RNF31: variants seen among roughly 807,000 people sequenced by gnomAD.
RNF31 encodes the protein E3 ubiquitin-protein ligase RNF31.
Under a neutral mutation model 133.6 loss-of-function variants are expected in RNF31, and 38 were observed. That is an observed-to-expected ratio of 0.28 (90% confidence interval 0.22 to 0.37). The LOEUF is 0.37. Ranked by LOEUF, RNF31 falls within the 10% of genes least tolerant of loss-of-function variation. RNF31 has a pLI of 1.00. For synonymous variants in RNF31, 582 were observed against 552.3 expected, an observed-to-expected ratio of 1.05 and a Z score of -0.75; for missense variants, 1,118 against 1,394.1, an observed-to-expected ratio of 0.80 and a Z score of 3.15.
rs965848624 is a variant in RNF31 at position 24,148,841 on chromosome 14, T to C, written c.596T>C (p.Ile199Thr). Residue 199 changes from isoleucine to threonine, a missense_variant, in exon 5 of 21, where the codon ATT (isoleucine) becomes ACT (threonine). Physicochemically the swap from Ile to Thr is moderately conservative, Grantham distance 89. Around this residue, in one of 3 missense-constraint regions of RNF31, gnomAD observed 747 missense variants for 827.9 expected, o/e 0.90. Transcript: ENST00000324103. ...GAATTTGACCCCCTATTGAGAGAGATTGCTCCTGGCCCCCTCACCACACCC... is the reference window on the plus strand; with the variant it reads ...GAATTTGACCCCCTATTGAGAGAGACTGCTCCTGGCCCCCTCACCACACCC... ...LSEFDPLLREIAPGPLTTPSV... is the reference protein window; with the variant it reads ...LSEFDPLLRETAPGPLTTPSV... The C allele has an allele frequency of 1.9e-6, 3 of 1,613,246 alleles. No homozygotes were observed. The highest frequency in any genetic ancestry group is 2.5e-6 in the Non-Finnish European group (3 of 1,179,250).
chr14:24,150,496 C>A (rs537781014), intron 7 of RNF31, 48 bp downstream of exon 7: 1 of 1,578,560 alleles, frequency 6.3e-7, no homozygotes, highest in East Asian at 2.3e-5. Context: ...CAGGCATTCT[C>A]TTCCCTATCC....
intron 11 of RNF31, among the ~76,000 whole-genome samples, chr14:24,153,492 G>A (rs1026461125): frequency 2.0e-4 from 31 of 151,630 alleles, no homozygotes; most frequent in Admixed American, 2.0e-3. Flanking sequence ...CAGGAGAATC[G>A]CTTGAACCTG....
rs777346008 is a variant in RNF31 at position 24,150,177 on chromosome 14, G to T, written c.926G>T (p.Cys309Phe). ...SAHLPWHCAACAMLNEPWAVL... is the reference protein window; with the variant it reads ...SAHLPWHCAAFAMLNEPWAVL... ...CATTTGCCCTGGCACTGTGCTGCCT[G>T]TGCCATGCTAAATGAGCCTTGGGCA... Residue 309 changes from cysteine to phenylalanine, a missense_variant, in exon 7 of 21, where the codon TGT (cysteine) becomes TTT (phenylalanine). By Grantham distance (205) the Cys-to-Phe change is radical. Around this residue, in one of 3 missense-constraint regions of RNF31, gnomAD observed 747 missense variants for 827.9 expected, o/e 0.90. Transcript: ENST00000324103. 2.5e-6 allele frequency: 4 copies of T among 1,614,072 alleles called. No homozygotes were observed. The highest frequency in any genetic ancestry group is 3.4e-6 in the Non-Finnish European group (4 of 1,180,040).
chr14:24,148,470 T>G (rs2038209615), intron 3 of RNF31, 57 bp downstream of exon 3: 2 of 1,612,502 alleles, frequency 1.2e-6, no homozygotes, highest in Non-Finnish European at 1.7e-6. Flanking sequence ...GAGCCCAGCC[T>G]AACTCAAGTA....
In RNF31 at chr14:24,151,019, C is replaced by A; in HGVS notation, c.1489-112C>A. 2 of 1,534,902 alleles carry A rather than the reference C, an allele frequency of 1.3e-6. No homozygotes were observed. Among genetic ancestry groups the A allele is most frequent in the Non-Finnish European group, 8.8e-7 (1 of 1,133,424 alleles). On this transcript the variant is annotated intron_variant, in intron 8 of 20. Coordinates refer to ENST00000324103, the MANE Select transcript of RNF31 (RefSeq NM_017999.5). This position sits in a 1 kb window ranked among gnomAD's most constrained non-coding sequence, Gnocchi z 5.3. The stretch of plus-strand genomic sequence containing the variant: ...CCTGTTACTGAGGCAGTTACCATTG[C>A]TGTACACTGATGACATGATCCATAT...
chr14:24,158,832 G>A (rs912382659), intron 18 of RNF31: 3 of 150,292 alleles, frequency 2.0e-5, no homozygotes, highest in East Asian at 1.9e-4. Context: ...GTCAGATCGA[G>A]ACCATCCTGG....
chr14:24,154,504 C>G (rs978447933), intron 11 of RNF31, among the ~76,000 whole-genome samples: 1 of 152,186 alleles, frequency 6.6e-6, no homozygotes, highest in Non-Finnish European at 1.5e-5. Context: ...TCTCGAACTC[C>G]TAGCCTCAAG....
chr14:24,147,566 G>C lies in RNF31; in HGVS notation c.-133G>C. The C allele has an allele frequency of 1.4e-6, 1 of 727,672 alleles. No individual in the cohort carries two copies. Among genetic ancestry groups the C allele is most frequent in the Non-Finnish European group, 2.0e-6 (1 of 500,042 alleles). 45.1% of individuals were successfully genotyped at this position (727,672 alleles called of 1,614,324 possible). On this transcript the variant is annotated 5_prime_UTR_variant, in exon 1 of 21. Transcript: ENST00000324103. ...GCTGGAGAGTGACCGTGGTCTGAGT[G>C]ACCTGGGGCGGCTGCGTGGGCCGGG...
chr14:24,152,350 C>T (rs1158711352), intron 11 of RNF31, among the ~76,000 whole-genome samples: 2 of 152,160 alleles, frequency 1.3e-5, no homozygotes, highest in East Asian at 3.8e-4. Context: ...ATTATGATAT[C>T]AAATATCAGG....
intron 5 of RNF31, chr14:24,149,077 C>G (rs892978560): frequency 1.6e-6 from 1 of 619,216 alleles, no homozygotes; most frequent in African/African-American, 1.8e-5. Flanking sequence ...GATTCTCCTG[C>G]CTCAGCCTCC....
At chr14:24,149,155 G>T in intron 5 of RNF31, 1 of 593,606 alleles carries the variant, frequency 1.7e-6, no homozygotes, top group South Asian at 2.1e-5. Flanking sequence ...TAGAGATGGG[G>T]TTTCTCCATG....
Position 24,155,272 on chromosome 14 carries a change from G to T in RNF31, c.2246G>T (p.Arg749Leu), listed in dbSNP as rs768136559. ...ITDMVCPACG[R>L]PDLTDDTQLL... ...GACATGGTGTGCCCTGCCTGTGGCC[G>T]CCCCGACCTCACCGATGACACACAG... The change falls in exon 12 of 21, where the codon CGC (arginine) becomes CTC (leucine). Residue 749 changes from arginine to leucine, a missense_variant. Physicochemically the swap from Arg to Leu is moderately radical, Grantham distance 102. Around this residue, in one of 3 missense-constraint regions of RNF31, gnomAD observed 201 missense variants for 371.7 expected, o/e 0.54. Transcript: ENST00000324103. This position sits in a 1 kb window ranked among gnomAD's most constrained non-coding sequence, Gnocchi z 4.9. 7 of 1,614,054 alleles carry T rather than the reference G, an allele frequency of 4.3e-6. No homozygotes were observed. The highest frequency in any genetic ancestry group is 5.1e-6 in the Non-Finnish European group (6 of 1,180,020).
Position 24,148,844 on chromosome 14 carries a change from C to T in RNF31, c.599C>T (p.Ala200Val). Residue 200 changes from alanine (A) to valine (V), a missense_variant, in exon 5 of 21, where the codon GCT (alanine) becomes GTT (valine). By Grantham distance (64) the Ala-to-Val change is moderately conservative (BLOSUM62 0). Around this residue, in one of 3 missense-constraint regions of RNF31, gnomAD observed 747 missense variants for 827.9 expected, o/e 0.90. Coordinates refer to ENST00000324103, the MANE Select transcript of RNF31 (RefSeq NM_017999.5). Reference protein sequence around the residue: ...SEFDPLLREIAPGPLTTPSVP... With the variant: ...SEFDPLLREIVPGPLTTPSVP... ...TTTGACCCCCTATTGAGAGAGATTGCTCCTGGCCCCCTCACCACACCCTCT... is the reference window on the plus strand; with the variant it reads ...TTTGACCCCCTATTGAGAGAGATTGTTCCTGGCCCCCTCACCACACCCTCT... 1 of 1,614,216 alleles carries T rather than the reference C, an allele frequency of 6.2e-7. No individual in the cohort carries two copies. Among genetic ancestry groups the T allele is most frequent in the East Asian group, 2.2e-5 (1 of 44,892 alleles).
At chr14:24,149,305 A>G (rs1040026611) in intron 5 of RNF31, 101 bp from the exon 6 acceptor site, 20 of 1,215,118 alleles carry the variant, frequency 1.6e-5, no homozygotes, top group Non-Finnish European at 2.2e-5. Flanking sequence ...CCTTGGGTCC[A>G]GATGTTTAAA....
At chr14:24,157,108 G>A (rs760409040) in intron 14 of RNF31, among the ~76,000 whole-genome samples, 182 bp from the exon 15 acceptor site, 4 of 152,228 alleles carry the variant, frequency 2.6e-5, no homozygotes, top group Non-Finnish European at 5.9e-5. Context: ...CAAAAGTAGT[G>A]TGAGGTGGTA....
chr14:24,156,343 C>T (rs2038340749), intron 14 of RNF31, among the ~76,000 whole-genome samples: 1 of 152,200 alleles, frequency 6.6e-6, no homozygotes, highest in Admixed American at 6.5e-5. Context: ...AACTCACTGT[C>T]ACCCAGGCTG....
chr14:24,157,894 C>T lies in RNF31; in HGVS notation c.2728-4C>T. 1 of 1,612,650 alleles carries T rather than the reference C, an allele frequency of 6.2e-7. No homozygotes were observed. The highest frequency in any genetic ancestry group is 1.1e-5 in the South Asian group (1 of 91,024). The stretch of plus-strand genomic sequence containing the variant: ...TTCCTCTCTCCCATCTGGGTTTCTG[C>T]CAGAAATGTCCAGAGCCTAACTGCA... On this transcript the variant is annotated splice_polypyrimidine_tract_variant and splice_region_variant and intron_variant, in intron 16 of 20. Transcript: ENST00000324103.
In RNF31 at chr14:24,159,857, C is replaced by A. The variant is rs780815940; in HGVS notation, c.2900-7C>A. 1.2e-6 allele frequency: 2 copies of A among 1,613,174 alleles called. No individual in the cohort carries two copies. Among genetic ancestry groups the A allele is most frequent in the South Asian group, 2.2e-5 (2 of 91,042 alleles). ...CAACAGAGGCTCCCTTCTTCCCTCA[C>A]CTTTAGGCGGCTGCCGAGTGATAGA... On this transcript the variant is annotated splice_region_variant and splice_polypyrimidine_tract_variant and intron_variant, in intron 18 of 20. Transcript: ENST00000324103.
At position 24,148,361 on chromosome 14, in the gene RNF31, C is replaced by T. The variant is rs373916382; in HGVS notation, c.443C>T (p.Thr148Ile). 6.2e-7 allele frequency: 1 copy of T among 1,614,094 alleles called. No homozygotes were observed. The highest frequency in any genetic ancestry group is 1.3e-5 in the African/African-American group (1 of 74,950). The change falls in exon 3 of 21, where the codon ACA becomes ATA. Residue 148 changes from threonine to isoleucine, a missense_variant. Coordinates refer to ENST00000324103, the MANE Select transcript of RNF31 (RefSeq NM_017999.5). ...GAGCCAGATGAGCACCAGGTTGCTA[C>T]AGTCACACTGGAAGTACTGCTGCTT... ...QEEPDEHQVATVTLEVLLLRT... is the reference protein window; with the variant it reads ...QEEPDEHQVAIVTLEVLLLRT...
Sources: allele counts gnomAD v4.1 joint callset (sites outside exome capture counted in the v4.1 genomes callset), GRCh38; gene constraint gnomAD v4.1.1; regional missense constraint gnomAD v4.1.1; non-coding constraint Gnocchi (gnomAD v3.1); transcripts MANE v1.5; gene names NCBI Gene and HGNC (gene_info 2026-07-23, HGNC 2026-07-21).